The following CDH12 variants were observed in gnomAD, a reference collection of about 807,000 sequenced individuals.
CDH12 encodes the protein cadherin-12.
A neutral mutation model predicts 74.1 loss-of-function variants in CDH12; 41 were observed. That is an observed-to-expected ratio of 0.55 (90% CI 0.43 to 0.72). The LOEUF is 0.72. Ranked by LOEUF, CDH12 falls within the 30% of genes least tolerant of loss-of-function variation. The pLI, the probability that CDH12 is intolerant of heterozygous loss-of-function variation, is 0.00. For synonymous variants in CDH12, 399 were observed against 355.0 expected, an observed-to-expected ratio of 1.12 and a Z score of -1.39; for missense variants, 945 against 977.2, an observed-to-expected ratio of 0.97 and a Z score of 0.44.
chr5:22,847,781 C>T (rs1158325362), intron 1 of CDH12, among the ~76,000 whole-genome samples: 1 of 152,078 alleles, frequency 6.6e-6, no homozygotes, highest in Non-Finnish European at 1.5e-5. Flanking sequence ...CTCATCTATC[C>T]TCCAGATATT....
At chr5:22,480,422 A>C (rs965679304) in intron 2 of CDH12, among the ~76,000 whole-genome samples, 1 of 151,778 alleles carries the variant, frequency 6.6e-6, no homozygotes, top group Non-Finnish European at 1.5e-5. Context: ...GTCTCTACAA[A>C]AAATACAAAA....
intron 1 of CDH12, among the ~76,000 whole-genome samples, chr5:22,675,870 CATAT>C (rs144687047): frequency 5.4e-5 from 5 of 92,156 alleles, no homozygotes; most frequent in Admixed American, 2.6e-4. Context: ...TTTTGTATCT[CATAT>C]ATATATATAT....
intron 11 of CDH12, chr5:21,774,520 TC>T (rs1745486130): frequency 1.3e-5 from 2 of 152,166 alleles, no homozygotes; most frequent in Non-Finnish European, 2.9e-5. Flanking sequence ...GTGAGTCATT[TC>T]CCCTAATAAA....
intron 1 of CDH12, among the ~76,000 whole-genome samples, chr5:22,847,739 A>G (rs1737370272): frequency 6.6e-6 from 1 of 152,208 alleles, no homozygotes; most frequent in Non-Finnish European, 1.5e-5. Context: ...CACTGGCATT[A>G]TTAAAATTAA....
At chr5:22,795,407 C>T (rs1414800083) in intron 1 of CDH12, among the ~76,000 whole-genome samples, 2 of 152,094 alleles carry the variant, frequency 1.3e-5, no homozygotes, top group East Asian at 1.9e-4. Flanking sequence ...CTAAACCTGA[C>T]ATAAGGAAGG....
chr5:22,532,354 T>C (rs10053652), intron 1 of CDH12, among the ~76,000 whole-genome samples: 23,180 of 82,750 alleles, frequency 0.28, 5,242 homozygotes, highest in East Asian at 0.53. Context: ...AAATAGGATA[T>C]ATATATATAT....
At chr5:21,803,011 T>C (rs771663483) in intron 9 of CDH12, among the ~76,000 whole-genome samples, 1 of 152,160 alleles carries the variant, frequency 6.6e-6, no homozygotes, top group Non-Finnish European at 1.5e-5. Flanking sequence ...AATCATTTTA[T>C]ATGAGCAAAG....
chr5:22,259,475 A>T (rs899682523), intron 3 of CDH12, among the ~76,000 whole-genome samples: 2 of 152,074 alleles, frequency 1.3e-5, no homozygotes, highest in African/African-American at 4.8e-5. Context: ...TTCAAATAAG[A>T]TAGTAAAAAT....
At chr5:21,936,676 T>G in intron 6 of CDH12, among the ~76,000 whole-genome samples, 1 of 152,206 alleles carries the variant, frequency 6.6e-6, no homozygotes. Context: ...TGTTATGATT[T>G]GGCTCTGTGA....
chr5:21,897,007 T>A (rs1465016464), intron 6 of CDH12, among the ~76,000 whole-genome samples: 1 of 152,154 alleles, frequency 6.6e-6, no homozygotes, highest in Non-Finnish European at 1.5e-5. Flanking sequence ...AAAATTAAAT[T>A]CTACCTACAA....
chr5:22,551,380 T>C (rs756693742), intron 1 of CDH12, among the ~76,000 whole-genome samples: 5 of 152,192 alleles, frequency 3.3e-5, no homozygotes, highest in Non-Finnish European at 7.3e-5. Context: ...TATTCTGTTA[T>C]TGCAACTCAA....
intron 1 of CDH12, among the ~76,000 whole-genome samples, chr5:22,726,043 A>G (rs904736572): frequency 2.0e-5 from 3 of 151,712 alleles, no homozygotes; most frequent in East Asian, 1.9e-4. Context: ...ATGAACCTAC[A>G]TTGACACATC....
At chr5:22,083,609 T>C (rs754922087) in intron 4 of CDH12, among the ~76,000 whole-genome samples, 8 of 152,164 alleles carry the variant, frequency 5.3e-5, no homozygotes, top group Non-Finnish European at 8.8e-5. Flanking sequence ...TCTATGCCTA[T>C]ATAACAGCCC....
Position 22,402,070 on chromosome 5 carries a change from C to G in CDH12, c.-333+3187G>C, listed in dbSNP as rs181355055. Among the ~76,000 whole-genome samples, 4 of 152,258 alleles carry G rather than the reference C, an allele frequency of 2.6e-5. No homozygotes were observed. The East Asian group carries it at 5.8e-4, about 22-fold the overall frequency. ...TGTTTTAAATCACCCAATGTGTGGC[C>G]ATTTGTTACGACAGCCCCAGGAAAG... is the stretch of plus-strand genomic sequence containing the variant. On this transcript the variant is annotated intron_variant, in intron 3 of 14. Transcript: ENST00000382254.
chr5:22,573,002 T>C (rs534038440), intron 1 of CDH12, among the ~76,000 whole-genome samples: 1 of 152,280 alleles, frequency 6.6e-6, no homozygotes, highest in East Asian at 1.9e-4. Flanking sequence ...AATTGAGTAA[T>C]GAAAATAGCT....
chr5:21,761,246 C>A (rs1401711443), intron 12 of CDH12, among the ~76,000 whole-genome samples: 2 of 152,084 alleles, frequency 1.3e-5, no homozygotes, highest in Non-Finnish European at 2.9e-5. Flanking sequence ...ATTCCTGTTA[C>A]AAAATTTTTC....
At chr5:21,970,871 A>AAAAG (rs1756822434) in intron 6 of CDH12, among the ~76,000 whole-genome samples, 4 of 141,274 alleles carry the variant, frequency 2.8e-5, no homozygotes, top group South Asian at 4.4e-4. Context: ...AAAAAAAAAA[A>AAAAG]AAAGAAAAAA....
chr5:21,820,015 C>G (rs1353243955), intron 8 of CDH12, among the ~76,000 whole-genome samples: 2 of 151,782 alleles, frequency 1.3e-5, no homozygotes, highest in South Asian at 2.1e-4. Context: ...AATGATAGAG[C>G]CTGGAGTCCT....
intron 3 of CDH12, among the ~76,000 whole-genome samples, chr5:22,373,352 G>T (rs907926654): frequency 6.6e-6 from 1 of 152,130 alleles, no homozygotes; most frequent in Non-Finnish European, 1.5e-5. Context: ...GGTTCCAGTG[G>T]GTTGCCCCCA....
Sources: allele counts gnomAD v4.1 joint callset (sites outside exome capture counted in the v4.1 genomes callset), GRCh38; gene constraint gnomAD v4.1.1; transcripts MANE v1.5; gene names NCBI Gene and HGNC (gene_info 2026-07-23, HGNC 2026-07-21).